Variants in PRPF4 observed in about 807,000 individuals in gnomAD.
The protein encoded by PRPF4 is pre-mRNA splicing tri-snRNP complex factor PRPF4, also known as U4/U6 small nuclear ribonucleoprotein Prp4.
Under a neutral mutation model 72.2 loss-of-function variants are expected in PRPF4, and 14 were observed. The observed-to-expected ratio is 0.19, with a 90% CI of 0.13 to 0.30. PRPF4 has a LOEUF of 0.30. Among genes scored for constraint, PRPF4 ranks in the 10% least tolerant of loss-of-function variants. PRPF4 has a pLI of 1.00. For synonymous variants in PRPF4, 225 were observed against 232.2 expected (o/e 0.97, Z 0.28); for missense variants, 478 against 653.9 (o/e 0.73, Z 2.93).
intron 10 of PRPF4, 36 bp downstream of exon 10, chr9:113,288,300 C>G: frequency 6.3e-7 from 1 of 1,584,568 alleles, no homozygotes; most frequent in East Asian, 2.2e-5. Context: ...CCATATAGGC[C>G]TGTAGCATCT....
chr9:113,288,591 C>T (rs912154658), intron 10 of PRPF4, among the ~76,000 whole-genome samples: 2 of 152,114 alleles, frequency 1.3e-5, no homozygotes, highest in Admixed American at 1.3e-4. Flanking sequence ...CGCGTGCCAC[C>T]ATGCCCAGCT....
At chr9:113,285,571 G>A (rs181086928) in intron 7 of PRPF4, among the ~76,000 whole-genome samples, 1 of 151,130 alleles carries the variant, frequency 6.6e-6, no homozygotes, top group Non-Finnish European at 1.5e-5. Context: ...GTAGAGACAG[G>A]GTTTCACCGT....
chr9:113,285,690 A>G (rs1045609780), intron 7 of PRPF4, among the ~76,000 whole-genome samples: 2 of 151,790 alleles, frequency 1.3e-5, no homozygotes, highest in East Asian at 3.9e-4. Context: ...AAAAATTTTT[A>G]AAAATTTATT....
chr9:113,285,175 T>C (rs1195586393), intron 7 of PRPF4, among the ~76,000 whole-genome samples: 1 of 150,944 alleles, frequency 6.6e-6, no homozygotes, highest in Non-Finnish European at 1.5e-5. Context: ...AAAAGTAATT[T>C]GTTGAAAAAT....
At chr9:113,291,380 T>C (rs759987299) in intron 13 of PRPF4, 87 bp from the exon 14 acceptor site, 12 of 1,353,156 alleles carry the variant, frequency 8.9e-6, no homozygotes, top group Non-Finnish European at 1.2e-5. Context: ...TTTTTAAAAA[T>C]AGTATGTTTT....
At position 113,279,114 on chromosome 9, in the gene PRPF4, T is replaced by C; in HGVS notation, c.375T>C (p.Pro125=). Residue 125 remains proline, a synonymous_variant, in exon 3 of 14, where the codon CCT becomes CCC. Coordinates refer to ENST00000374198, the MANE Select transcript of PRPF4 (RefSeq NM_001244926.2). Reference sequence around the variant, plus strand: ...CCATCACACTTTTTGGAGAGGGTCCTGCTGAAAGAAGAGAAAGGTTGCCTT... The same window carrying C: ...CCATCACACTTTTTGGAGAGGGTCCCGCTGAAAGAAGAGAAAGGTTGCCTT... ...GEPITLFGEG[P]AERRERLRNI... 6.2e-7 allele frequency: 1 copy of C among 1,610,478 alleles called. No homozygotes were observed. Among genetic ancestry groups the C allele is most frequent in the Non-Finnish European group, 8.5e-7 (1 of 1,178,492 alleles).
At position 113,291,401 on chromosome 9, in the gene PRPF4, T is replaced by A. The variant is rs1588020568; in HGVS notation, c.1373-66T>A. The stretch of plus-strand genomic sequence containing the variant: ...AAAATAGTATGTTTTTGCAGACTTT[T>A]GTGCTTTTGTCTTCTCTTTTGAATA... On this transcript the variant is annotated intron_variant, in intron 13 of 13. Transcript: ENST00000374198. 1.0e-5 allele frequency: 15 copies of A among 1,465,078 alleles called. No individual in the cohort carries two copies. The East Asian group carries it at 3.2e-4, about 31-fold the overall frequency. 90.8% of individuals were successfully genotyped at this position (1,465,078 alleles called of 1,614,324 possible). A position where few individuals can be genotyped will look rare whatever the true frequency, so the allele number is the denominator to read the frequency against.
chr9:113,284,206 TTTG>T lies in PRPF4; in HGVS notation c.655-83_655-81del, dbSNP rs752845188. On this transcript the variant is annotated intron_variant, in intron 6 of 13. Coordinates refer to ENST00000374198, the MANE Select transcript of PRPF4 (RefSeq NM_001244926.2). ...GGATGGGTTAAAACTGAAAAGCTGC[TTTG>T]TTGTTCTTTTTATGGTGGAAAAGCA... 161 of 1,009,082 alleles carry T rather than the reference TTTG, an allele frequency of 1.6e-4. No homozygotes were observed. In the Middle Eastern group the frequency reaches 3.2e-3, roughly 20 times the overall value. 62.5% of individuals were successfully genotyped at this position (1,009,082 alleles called of 1,614,324 possible). A position where few individuals can be genotyped will look rare whatever the true frequency, so the allele number is the denominator to read the frequency against.
In PRPF4 at chr9:113,290,965, G is replaced by C; in HGVS notation, c.1321G>C (p.Val441Leu). The part of the protein sequence containing the change: ...KVWDLRQRRC[V>L]YTIPAHQNLV... ...GTGGGACCTCCGACAGCGGCGTTGCGTCTACACCATCCCTGCTCATCAGAA... is the reference window on the plus strand; with the variant it reads ...GTGGGACCTCCGACAGCGGCGTTGCCTCTACACCATCCCTGCTCATCAGAA... The change falls in exon 13 of 14, where the codon GTC (valine) becomes CTC (leucine). Residue 441 changes from valine to leucine, a missense_variant. By Grantham distance (32) the Val-to-Leu change is conservative. Transcript: ENST00000374198. The C allele has an allele frequency of 6.2e-7, 1 of 1,614,102 alleles. No homozygotes were observed. The highest frequency in any genetic ancestry group is 8.5e-7 in the Non-Finnish European group (1 of 1,180,012).
At chr9:113,281,602 A>T (rs975369899) in intron 3 of PRPF4, among the ~76,000 whole-genome samples, 1 of 152,060 alleles carries the variant, frequency 6.6e-6, no homozygotes, top group African/African-American at 2.4e-5. Context: ...TTGCAGCCCT[A>T]TTCTTCACCA....
intron 7 of PRPF4, 32 bp from the exon 8 acceptor site, chr9:113,286,200 C>T: frequency 7.4e-6 from 12 of 1,613,714 alleles, no homozygotes; most frequent in Non-Finnish European, 1.0e-5. Flanking sequence ...CAGACCAACC[C>T]TGGCTGAGAT....
At chr9:113,280,896 G>A (rs1345288853) in intron 3 of PRPF4, among the ~76,000 whole-genome samples, 3 of 151,296 alleles carry the variant, frequency 2.0e-5, no homozygotes, top group Non-Finnish European at 4.4e-5. Flanking sequence ...GGTGGAGTGC[G>A]GTGGTGCAAT....
At chr9:113,275,883 A>G in intron 1 of PRPF4, 113 bp downstream of exon 1, 2 of 1,430,238 alleles carry the variant, frequency 1.4e-6, no homozygotes, top group African/African-American at 2.9e-5. Context: ...GCTGAGGAGG[A>G]AGGCTGCGGG....
intron 7 of PRPF4, among the ~76,000 whole-genome samples, chr9:113,285,864 C>CA (rs201598766): frequency 0.013 from 1,909 of 148,076 alleles, 27 homozygotes; most frequent in Non-Finnish European, 0.017. Context: ...CACTGTTTCT[C>CA]AAAAAAAAAA....
intron 2 of PRPF4, among the ~76,000 whole-genome samples, chr9:113,277,713 A>G (rs1832153397): frequency 6.6e-6 from 1 of 151,908 alleles, no homozygotes; most frequent in Non-Finnish European, 1.5e-5. Flanking sequence ...TATAAAAGTA[A>G]TAGTGGCCAA....
chr9:113,282,791 C>T, intron 4 of PRPF4, 58 bp downstream of exon 4: 1 of 1,367,114 alleles, frequency 7.3e-7, no homozygotes, highest in South Asian at 1.2e-5. Context: ...GGATAGGTCT[C>T]TCGTTTTCTG....
At chr9:113,282,062 A>T (rs1479390632) in intron 3 of PRPF4, among the ~76,000 whole-genome samples, 1 of 152,128 alleles carries the variant, frequency 6.6e-6, no homozygotes, top group Non-Finnish European at 1.5e-5. Flanking sequence ...GGGCTCATTG[A>T]CTCTAAACTG....
At chr9:113,290,649 C>T (rs763733215) in intron 11 of PRPF4, 51 bp from the exon 12 acceptor site, 5 of 1,614,044 alleles carry the variant, frequency 3.1e-6, no homozygotes, top group Non-Finnish European at 4.2e-6. Context: ...CCTATACCTG[C>T]TTCCACAGAG....
chr9:113,288,200 G>A lies in PRPF4; in HGVS notation c.958G>A (p.Gly320Ser). Residue 320 changes from glycine to serine, a missense_variant, in exon 10 of 14, where the codon GGC (glycine) becomes AGC (serine). Transcript: ENST00000374198. ...TGATGAACCAGTGGCAGATATTGAA[G>A]GCCATACAGTGCGTGTGGCGCGGGT... ...DSDEPVADIE[G>S]HTVRVARVMW... The A allele has an allele frequency of 6.2e-7, 1 of 1,614,194 alleles. No homozygotes were observed. Among genetic ancestry groups the A allele is most frequent in the Non-Finnish European group, 8.5e-7 (1 of 1,180,018 alleles).
Sources: allele counts gnomAD v4.1 joint callset (sites outside exome capture counted in the v4.1 genomes callset), GRCh38; gene constraint gnomAD v4.1.1; transcripts MANE v1.5; gene names NCBI Gene and HGNC (gene_info 2026-07-23, HGNC 2026-07-21).